The following ZDHHC8 variants were observed in gnomAD, a reference collection of about 807,000 sequenced individuals.
The protein encoded by ZDHHC8 is zDHHC palmitoyltransferase 8, also known as palmitoyltransferase ZDHHC8.
Under a neutral mutation model 61.2 loss-of-function variants are expected in ZDHHC8, and 24 were observed. That is an observed-to-expected ratio of 0.39 (90% CI 0.28 to 0.55). The LOEUF is 0.55. ZDHHC8 is among the 20% of genes least tolerant of loss of function. The pLI, the probability that ZDHHC8 is intolerant of heterozygous loss-of-function variation, is 0.60. For synonymous variants in ZDHHC8, 523 were observed against 492.5 expected (o/e 1.06, Z -0.82); for missense variants, 935 against 1,102.1 (o/e 0.85, Z 2.15).
At position 20,139,086 on chromosome 22, in the gene ZDHHC8, A is replaced by G. The variant is rs898635903; in HGVS notation, c.105-108A>G. 1.1e-5 allele frequency: 17 copies of G among 1,482,904 alleles called. No individual in the cohort carries two copies. In the Admixed American group the frequency reaches 2.9e-4, roughly 25 times the overall value. 91.9% of individuals were successfully genotyped at this position (1,482,904 alleles called of 1,614,324 possible). On this transcript the variant is annotated intron_variant, in intron 1 of 10. Transcript: ENST00000334554. ...TGTGGCAGCCTCCCCACTGCCTCTG[A>G]GCTCTGAGGGTGACCTTGCAGGCCC... is the stretch of plus-strand genomic sequence containing the variant.
intron 1 of ZDHHC8, among the ~76,000 whole-genome samples, chr22:20,132,310 A>AGGCCCT (rs936373924): frequency 6.6e-6 from 1 of 152,174 alleles, no homozygotes; most frequent in Admixed American, 6.5e-5. Context: ...GTGTCCAGGC[A>AGGCCCT]GGCCCTGGCG....
chr22:20,135,565 G>T (rs899176238), intron 1 of ZDHHC8, among the ~76,000 whole-genome samples: 1 of 152,234 alleles, frequency 6.6e-6, no homozygotes, highest in African/African-American at 2.4e-5. Context: ...GCCCAGCTCA[G>T]GACAGCAGTC....
In ZDHHC8 at chr22:20,143,520, G is replaced by A. The variant is rs763084533; in HGVS notation, c.1890G>A (p.Ser630=). 7.8e-5 allele frequency: 125 copies of A among 1,599,986 alleles called. 2 individuals are homozygous for A. The Admixed American group carries it at 1.1e-3, about 14-fold the overall frequency. The part of the protein sequence containing the change: ...RNPALQTSLS[S]LSSSVSRAPR... Reference sequence around the variant, plus strand: ...CTGCCCTGCAGACGTCACTGTCCTCGCTGTCCAGCTCCGTGAGCCGTGCAC... The same window carrying A: ...CTGCCCTGCAGACGTCACTGTCCTCACTGTCCAGCTCCGTGAGCCGTGCAC... The change falls in exon 10 of 11, where the codon TCG becomes TCA. Residue 630 remains serine (S), a synonymous_variant. Coordinates refer to ENST00000334554, the MANE Select transcript of ZDHHC8 (RefSeq NM_013373.4).
rs1340347927 is a variant in ZDHHC8 at position 20,147,041 on chromosome 22, C to T, written c.*1641C>T. On this transcript the variant is annotated 3_prime_UTR_variant, in exon 11 of 11. Transcript: ENST00000334554. ...CGCAGGGGGCGGATTGGCACCTGCA[C>T]CCGTGGATGGGGGCGGCGTGGCCAG... The T allele has an allele frequency of 2.8e-6, 4 of 1,445,284 alleles. No homozygotes were observed. In the East Asian group the frequency reaches 8.4e-5, roughly 30 times the overall value. 89.5% of individuals were successfully genotyped at this position (1,445,284 alleles called of 1,614,324 possible).
rs2050514503 is a variant in ZDHHC8, at chr22:20,145,550, A to G, written c.*150A>G. ...GCGGGAGAGAGTGCCACGCCTCCAC[A>G]GCTTGCCCCAAGCGCTCTGCCTGCC... is the stretch of plus-strand genomic sequence containing the variant. On this transcript the variant is annotated 3_prime_UTR_variant, in exon 11 of 11. Coordinates refer to ENST00000334554, the MANE Select transcript of ZDHHC8 (RefSeq NM_013373.4). 7.7e-7 allele frequency: 1 copy of G among 1,293,344 alleles called. No individual in the cohort carries two copies. Among genetic ancestry groups the G allele is most frequent in the Non-Finnish European group, 9.8e-7 (1 of 1,020,904 alleles). 80.1% of individuals were successfully genotyped at this position (1,293,344 alleles called of 1,614,324 possible). A position where few individuals can be genotyped will look rare whatever the true frequency, so the allele number is the denominator to read the frequency against.
intron 10 of ZDHHC8, among the ~76,000 whole-genome samples, chr22:20,144,603 G>A (rs1336890244): frequency 2.0e-5 from 3 of 152,244 alleles, no homozygotes; most frequent in African/African-American, 7.2e-5. Flanking sequence ...CCAGCCCTGA[G>A]CGGGTCTCCT....
At chr22:20,135,414 C>T (rs185801769) in intron 1 of ZDHHC8, among the ~76,000 whole-genome samples, 2 of 152,348 alleles carry the variant, frequency 1.3e-5, no homozygotes, top group East Asian at 3.9e-4. Flanking sequence ...ATGACAGGGA[C>T]CCTGTGAATG....
At chr22:20,132,110 C>A in intron 1 of ZDHHC8, 59 bp downstream of exon 1, 1 of 1,058,198 alleles carries the variant, frequency 9.5e-7, no homozygotes, top group Non-Finnish European at 1.2e-6. Context: ...CCGCACAGCC[C>A]GGGCACGGGG....
chr22:20,147,405 C>A lies in ZDHHC8; in HGVS notation c.*2005C>A. The A allele has an allele frequency of 1.6e-6, 1 of 621,294 alleles. No individual in the cohort carries two copies. The highest frequency in any genetic ancestry group is 2.5e-6 in the Non-Finnish European group (1 of 396,012). 38.5% of individuals were successfully genotyped at this position (621,294 alleles called of 1,614,324 possible). A position where few individuals can be genotyped will look rare whatever the true frequency, so the allele number is the denominator to read the frequency against. On this transcript the variant is annotated 3_prime_UTR_variant, in exon 11 of 11. Transcript: ENST00000334554. Reference sequence around the variant, plus strand: ...GGCCTGAGACCCTGTGTCCACATGACCTCAGGGAGTCCCCCACCTGCTGCA... The same window carrying A: ...GGCCTGAGACCCTGTGTCCACATGAACTCAGGGAGTCCCCCACCTGCTGCA...
In ZDHHC8 at chr22:20,146,042, TGTGCTGCCGCGCCGTGTCTGATGTGTCA is replaced by T. The variant is rs1165041419; in HGVS notation, c.*648_*675del. 1 of 985,860 alleles carries T rather than the reference TGTGCTGCCGCGCCGTGTCTGATGTGTCA, an allele frequency of 1.0e-6. No individual in the cohort carries two copies. Among genetic ancestry groups the T allele is most frequent in the Non-Finnish European group, 1.2e-6 (1 of 830,100 alleles). The allele number at this position is 985,860 out of a possible 1,614,324, so 61.1% of individuals were successfully genotyped here. A position where few individuals can be genotyped will look rare whatever the true frequency, so the allele number is the denominator to read the frequency against. On this transcript the variant is annotated 3_prime_UTR_variant, in exon 11 of 11. Transcript: ENST00000334554. ...CTCCATGTGTCCCGTGTCTGTGTGC[TGTGCTGCCGCGCCGTGTCTGATGTGTCA>T]GTGCTCCGGCCGCCGCTGTCCCTTT...
chr22:20,132,111 G>T (rs1393870204), intron 1 of ZDHHC8, 60 bp downstream of exon 1: 2 of 1,039,270 alleles, frequency 1.9e-6, no homozygotes, highest in African/African-American at 3.4e-5. Context: ...CGCACAGCCC[G>T]GGCACGGGGG....
In ZDHHC8 at chr22:20,145,593, A is replaced by G; in HGVS notation, c.*193A>G. 3.2e-6 allele frequency: 4 copies of G among 1,247,458 alleles called. No homozygotes were observed. Among genetic ancestry groups the G allele is most frequent in the Non-Finnish European group, 4.0e-6 (4 of 993,844 alleles). 77.3% of individuals were successfully genotyped at this position (1,247,458 alleles called of 1,614,324 possible). A position where few individuals can be genotyped will look rare whatever the true frequency, so the allele number is the denominator to read the frequency against. On this transcript the variant is annotated 3_prime_UTR_variant, in exon 11 of 11. Transcript: ENST00000334554. ...TGCCTGCCCGTCCACTCATCTGCCC[A>G]TGGGGAAGTCGGCTCACTGGGACAA...
Position 20,140,601 on chromosome 22 carries a change from G to C in ZDHHC8, c.661-16G>C, listed in dbSNP as rs1044029118. 1 of 1,590,272 alleles carries C rather than the reference G, an allele frequency of 6.3e-7. No homozygotes were observed. The highest frequency in any genetic ancestry group is 8.6e-7 in the Non-Finnish European group (1 of 1,168,968). Reference sequence around the variant, plus strand: ...ACCTTGGGAGGCCAGGCTGGCTGAGGGTCCTGCATCCACAGGTGACTGGGA... The same window carrying C: ...ACCTTGGGAGGCCAGGCTGGCTGAGCGTCCTGCATCCACAGGTGACTGGGA... On this transcript the variant is annotated splice_polypyrimidine_tract_variant and intron_variant, in intron 5 of 10. Coordinates refer to ENST00000334554, the MANE Select transcript of ZDHHC8 (RefSeq NM_013373.4).
chr22:20,140,052 C>T, intron 4 of ZDHHC8, 63 bp from the exon 5 acceptor site: 1 of 1,597,418 alleles, frequency 6.3e-7, no homozygotes, highest in East Asian at 2.2e-5. Flanking sequence ...CAGGCACCTG[C>T]TCTGTGCTGC....
intron 1 of ZDHHC8, among the ~76,000 whole-genome samples, chr22:20,135,619 A>T (rs913711813): frequency 6.6e-6 from 1 of 152,172 alleles, no homozygotes; most frequent in Non-Finnish European, 1.5e-5. Context: ...GCCAGGAGGG[A>T]CTGAACTGCT....
In ZDHHC8 at chr22:20,141,642, C is replaced by A. The variant is rs75607967; in HGVS notation, c.1125+112C>A. The stretch of plus-strand genomic sequence containing the variant: ...GCCCCACCTCCAGAGCCCCATCTCT[C>A]CAGCAGAGGCCACATCCCCTGAGGC... On this transcript the variant is annotated intron_variant, in intron 9 of 10. Transcript: ENST00000334554. 2.7e-3 allele frequency: 2,408 copies of A among 881,592 alleles called. 5 individuals are homozygous for A. The highest frequency in any genetic ancestry group is 3.6e-3 in the Non-Finnish European group (2,058 of 576,540). The allele number at this position is 881,592 out of a possible 1,614,324, so 54.6% of individuals were successfully genotyped here.
chr22:20,134,358 C>T (rs1303968629), intron 1 of ZDHHC8, among the ~76,000 whole-genome samples: 4 of 152,358 alleles, frequency 2.6e-5, no homozygotes, highest in Admixed American at 1.3e-4. Context: ...CTGCTCAGTT[C>T]CTGAGAAGGG....
chr22:20,143,688 G>T lies in ZDHHC8; in HGVS notation c.2058G>T (p.Ala686=). ...PPGTPHSPSY[A]GPKAVAFIHT... ...GCACTCCCCACTCACCATCCTACGCGGGCCCCAAAGCTGTCGCCTTCATCC... is the reference window on the plus strand; with the variant it reads ...GCACTCCCCACTCACCATCCTACGCTGGCCCCAAAGCTGTCGCCTTCATCC... The change falls in exon 10 of 11, where the codon GCG becomes GCT. Residue 686 remains alanine (A), a synonymous_variant. Transcript: ENST00000334554. The T allele has an allele frequency of 1.2e-6, 2 of 1,610,188 alleles. No homozygotes were observed. Among genetic ancestry groups the T allele is most frequent in the East Asian group, 2.2e-5 (1 of 44,818 alleles).
At chr22:20,144,655 G>T (rs2148010187) in intron 10 of ZDHHC8, among the ~76,000 whole-genome samples, 1 of 152,336 alleles carries the variant, frequency 6.6e-6, no homozygotes, top group South Asian at 2.1e-4. Context: ...TGTGGAGTTG[G>T]GGAGGAGGCT....
Sources: allele counts gnomAD v4.1 joint callset (sites outside exome capture counted in the v4.1 genomes callset), GRCh38; gene constraint gnomAD v4.1.1; transcripts MANE v1.5; gene names NCBI Gene and HGNC (gene_info 2026-07-23, HGNC 2026-07-21).